The following CACNA1C variants were observed in gnomAD, a reference collection of about 807,000 sequenced individuals.
CACNA1C encodes voltage-dependent L-type calcium channel subunit alpha-1C.
In CACNA1C, 30 loss-of-function variants were observed where a neutral mutation model predicts 229.0. That is an observed-to-expected ratio of 0.13 (90% CI 0.10 to 0.18). The LOEUF (loss-of-function observed/expected upper bound fraction) is 0.18. CACNA1C is among the 10% of genes least tolerant of loss of function. The probability of loss-of-function intolerance (pLI) is 1.00; values close to 1 mark genes in which losing one functional copy is unlikely to be tolerated. For missense variants in CACNA1C, 1,658 were observed against 2,845.0 expected, an observed-to-expected ratio of 0.58 and a Z score of 9.49; for synonymous variants, 1,114 against 1,132.5, an observed-to-expected ratio of 0.98 and a Z score of 0.33.
rs2097819343 is a variant in CACNA1C at position 2,694,206 on chromosome 12, G to GTCA, written c.*3011_*3013dup. On this transcript the variant is annotated 3_prime_UTR_variant, in exon 47 of 47. Coordinates refer to ENST00000399655, the MANE Select transcript of CACNA1C (RefSeq NM_000719.7). ...AGAATAAGACTGGCGTATGATGCCT[G>GTCA]TCATCAGAACAGACTGGCACAAGTA... 1 of 152,252 alleles carries GTCA rather than the reference G, an allele frequency of 6.6e-6. No individual in the cohort carries two copies. Among genetic ancestry groups the GTCA allele is most frequent in the South Asian group, 2.1e-4 (1 of 4,838 alleles). The allele number at this position is 152,252 out of a possible 1,614,324, so 9.4% of individuals were successfully genotyped here.
At chr12:2,587,673 C>T (rs1488271826) in intron 18 of CACNA1C, among the ~76,000 whole-genome samples, 1 of 152,186 alleles carries the variant, frequency 6.6e-6, no homozygotes. Flanking sequence ...CACGTAGCTA[C>T]CCAGTGGCTC....
chr12:2,195,705 G>T (rs531055754), intron 3 of CACNA1C, among the ~76,000 whole-genome samples: 6 of 152,156 alleles, frequency 3.9e-5, no homozygotes, highest in Non-Finnish European at 7.3e-5. Context: ...ATTTTTCAGG[G>T]AGTCGCAAGA....
At chr12:2,464,880 A>G (rs980963045) in intron 5 of CACNA1C, among the ~76,000 whole-genome samples, 2 of 152,210 alleles carry the variant, frequency 1.3e-5, no homozygotes, top group African/African-American at 4.8e-5. Context: ...GTTAGTAGAC[A>G]AATATCTGTG....
chr12:2,603,840 A>G (rs527939284), intron 22 of CACNA1C: 58 of 152,394 alleles, frequency 3.8e-4, no homozygotes, highest in African/African-American at 1.3e-3. Flanking sequence ...CACAGAGCCT[A>G]TAGAATGCAG....
Position 2,181,101 on chromosome 12 carries a change from A to G in CACNA1C, c.477+60671A>G, listed in dbSNP as rs1286861071. 1.3e-5 allele frequency among the ~76,000 whole-genome samples: 2 copies of G among 152,210 alleles called. No homozygotes were observed. The highest frequency in any genetic ancestry group is 2.9e-5 in the Non-Finnish European group (2 of 68,036). The stretch of plus-strand genomic sequence containing the variant: ...CAAATGTTTTCTTCTGGGGGGTTAC[A>G]GTCTGGGGAAGACCCCTGTGTAAAG... On this transcript the variant is annotated intron_variant, in intron 3 of 46. Transcript: ENST00000399655. This position sits in a 1 kb window ranked among gnomAD's most constrained non-coding sequence, Gnocchi z 4.0.
At chr12:2,352,877 A>T (rs1024842595) in intron 3 of CACNA1C, among the ~76,000 whole-genome samples, 3 of 152,186 alleles carry the variant, frequency 2.0e-5, no homozygotes, top group African/African-American at 7.2e-5. Flanking sequence ...CTGGATAATG[A>T]TGTCACACTG....
chr12:2,323,830 G>C (rs1344403876), intron 3 of CACNA1C, among the ~76,000 whole-genome samples: 4 of 148,912 alleles, frequency 2.7e-5, no homozygotes, highest in African/African-American at 1.0e-4. Flanking sequence ...CTTTTGGTGG[G>C]GGAGGGGGTT....
rs2062097378 is a variant in CACNA1C at position 2,585,543 on chromosome 12, G to A, written c.2460+47G>A. ...GGAGCTGTGAGGCCGGTGCTGGGGA[G>A]GGAGGGCCACAGCCTTCCCAGGCCA... is the stretch of plus-strand genomic sequence containing the variant. On this transcript the variant is annotated intron_variant, in intron 17 of 46. Transcript: ENST00000399655. This position sits in a 1 kb window ranked among gnomAD's most constrained non-coding sequence, Gnocchi z 4.1. 1.3e-6 allele frequency: 2 copies of A among 1,507,534 alleles called. No individual in the cohort carries two copies. The highest frequency in any genetic ancestry group is 8.9e-7 in the Non-Finnish European group (1 of 1,124,572). 93.4% of individuals were successfully genotyped at this position (1,507,534 alleles called of 1,614,324 possible).
At chr12:2,294,078 A>G (rs1019480415) in intron 3 of CACNA1C, among the ~76,000 whole-genome samples, 1 of 152,250 alleles carries the variant, frequency 6.6e-6, no homozygotes, top group Non-Finnish European at 1.5e-5. Flanking sequence ...ACCAGACATG[A>G]GGGGTGTTTA....
At chr12:2,450,427 G>T (rs544434811) in intron 4 of CACNA1C, among the ~76,000 whole-genome samples, 4 of 151,624 alleles carry the variant, frequency 2.6e-5, no homozygotes, top group East Asian at 2.0e-4. Context: ...GGTGGCGGGC[G>T]CCTGTAGTCC....
intron 13 of CACNA1C, among the ~76,000 whole-genome samples, chr12:2,576,227 G>A (rs576947930): frequency 6.6e-6 from 1 of 152,314 alleles, no homozygotes; most frequent in Admixed American, 6.5e-5. Context: ...GGGTGAGCAG[G>A]GACGCACAGT....
intron 9 of CACNA1C, among the ~76,000 whole-genome samples, chr12:2,517,527 G>A (rs1347093043): frequency 6.6e-6 from 1 of 152,216 alleles, no homozygotes; most frequent in Non-Finnish European, 1.5e-5. Context: ...GGCAAGAAAG[G>A]GGCATGTTTA....
chr12:2,262,153 G>A (rs2080516008), intron 3 of CACNA1C, among the ~76,000 whole-genome samples: 1 of 152,234 alleles, frequency 6.6e-6, no homozygotes, highest in Non-Finnish European at 1.5e-5. Flanking sequence ...CAGCTTGTCA[G>A]TTCAACCCAG....
intron 1 of CACNA1C, among the ~76,000 whole-genome samples, chr12:2,015,430 G>A (rs2045193047): frequency 6.6e-6 from 1 of 152,204 alleles, no homozygotes; most frequent in Admixed American, 6.5e-5. Context: ...GCCTAAGGTG[G>A]GAAGTGGAGC....
rs150564166 is a variant in CACNA1C at position 2,513,604 on chromosome 12, G to A, written c.1390+620G>A. On this transcript the variant is annotated intron_variant, in intron 9 of 46. Coordinates refer to ENST00000399655, the MANE Select transcript of CACNA1C (RefSeq NM_000719.7). ...TTGGGGGTTCACGTGGCCCCTTGTT[G>A]GATAGGCTGTGGCTGAGATAGAAAT... Among the ~76,000 whole-genome samples, 42 of 152,334 alleles carry A rather than the reference G, an allele frequency of 2.8e-4. No homozygotes were observed. In the East Asian group the frequency reaches 8.1e-3, roughly 29 times the overall value.
rs116883014 is a variant in CACNA1C, at chr12:2,317,375, C to T, written c.478-131601C>T. The stretch of plus-strand genomic sequence containing the variant: ...ATGGATGAACCTCGAGGACATGACG[C>T]GAAGAGAAATTAGCCAGTCACAAAA... On this transcript the variant is annotated intron_variant, in intron 3 of 46. Coordinates refer to ENST00000399655, the MANE Select transcript of CACNA1C (RefSeq NM_000719.7). 3.9e-4 allele frequency among the ~76,000 whole-genome samples: 59 copies of T among 152,202 alleles called. No individual in the cohort carries two copies. In the East Asian group the frequency reaches 6.2e-3, roughly 16 times the overall value.
Position 2,471,705 on chromosome 12 carries a change from C to T in CACNA1C, c.757+13999C>T, listed in dbSNP as rs534550563. ...TTGATTTTTTTTTTTCTTTCTGAGA[C>T]GGAGTCTCGCTCTGTCGCCCAGACT... On this transcript the variant is annotated intron_variant, in intron 5 of 46. Transcript: ENST00000399655. Among the ~76,000 whole-genome samples, 9 of 151,724 alleles carry T rather than the reference C, an allele frequency of 5.9e-5. No individual in the cohort carries two copies. The East Asian group carries it at 7.8e-4, about 13-fold the overall frequency.
intron 1 of CACNA1C, among the ~76,000 whole-genome samples, chr12:1,983,886 T>C (rs934333873): frequency 6.6e-6 from 1 of 152,082 alleles, no homozygotes; most frequent in Non-Finnish European, 1.5e-5. Flanking sequence ...TATCACTTTT[T>C]GCTTCACACA....
At chr12:1,985,029 C>G (rs1470780268) in intron 1 of CACNA1C, among the ~76,000 whole-genome samples, 2 of 148,724 alleles carry the variant, frequency 1.3e-5, no homozygotes, top group Admixed American at 1.3e-4. Context: ...GGTTTGCTTT[C>G]AAGATTAAAA....
Sources: allele counts gnomAD v4.1 joint callset (sites outside exome capture counted in the v4.1 genomes callset), GRCh38; gene constraint gnomAD v4.1.1; non-coding constraint Gnocchi (gnomAD v3.1); transcripts MANE v1.5; gene names NCBI Gene and HGNC (gene_info 2026-07-23, HGNC 2026-07-21).